The following ST6GALNAC5 variants were observed in gnomAD, a reference collection of about 807,000 sequenced individuals.
ST6GALNAC5 encodes the protein alpha-N-acetylgalactosaminide alpha-2,6-sialyltransferase 5.
In ST6GALNAC5, 27 loss-of-function variants were observed where a neutral mutation model predicts 33.6. The ratio of observed to expected loss-of-function variants is 0.80; its 90% CI spans 0.59 to 1.11. The LOEUF (loss-of-function observed/expected upper bound fraction) is 1.11. Ranked by LOEUF, ST6GALNAC5 falls within the 50% of genes least tolerant of loss-of-function variation. The probability of loss-of-function intolerance (pLI) is 0.00; values close to 1 mark genes in which losing one functional copy is unlikely to be tolerated. For missense variants in ST6GALNAC5, 428 were observed against 454.0 expected (o/e 0.94, Z 0.52); for synonymous variants, 194 against 171.2 (o/e 1.13, Z -1.04).
rs142191101 is a variant in ST6GALNAC5 at position 76,986,675 on chromosome 1, G to A, written c.262-57529G>A. On this transcript the variant is annotated intron_variant, in intron 2 of 4. Transcript: ENST00000477717. ...TCCCATTACTGGGTATATACCCAAA[G>A]GATTATAAATCATGCTACTATAAAG... Among the ~76,000 whole-genome samples the A allele has an allele frequency of 4.5e-3, 685 of 152,186 alleles. 7 individuals carry two copies. Among genetic ancestry groups the A allele is most frequent in the African/African-American group, 0.016 (645 of 41,526 alleles).
intron 2 of ST6GALNAC5, among the ~76,000 whole-genome samples, chr1:77,035,451 A>G (rs978644675): frequency 6.6e-6 from 1 of 152,226 alleles, no homozygotes; most frequent in Non-Finnish European, 1.5e-5. Flanking sequence ...CCTTAAGTAT[A>G]GAGAGGTACC....
At chr1:76,964,625 A>G (rs560215136) in intron 2 of ST6GALNAC5, among the ~76,000 whole-genome samples, 1 of 152,272 alleles carries the variant, frequency 6.6e-6, no homozygotes, top group South Asian at 2.1e-4. Flanking sequence ...TATAATTATT[A>G]TACTTTAAGT....
At chr1:76,972,731 T>G (rs991064218) in intron 2 of ST6GALNAC5, among the ~76,000 whole-genome samples, 2 of 152,148 alleles carry the variant, frequency 1.3e-5, no homozygotes, top group African/African-American at 4.8e-5. Context: ...TCTGTCATCT[T>G]GATAGATAAT....
chr1:76,921,639 G>T (rs576851552), intron 2 of ST6GALNAC5, among the ~76,000 whole-genome samples: 1 of 152,236 alleles, frequency 6.6e-6, no homozygotes, highest in African/African-American at 2.4e-5. Flanking sequence ...CCAAGCCTCA[G>T]CCAGAATAGT....
intron 2 of ST6GALNAC5, among the ~76,000 whole-genome samples, chr1:76,950,861 G>A (rs753277693): frequency 1.8e-4 from 27 of 152,060 alleles, no homozygotes; most frequent in Non-Finnish European, 2.8e-4. Context: ...TGACAAGTGC[G>A]CAGCCACAAC....
At chr1:76,985,790 T>A (rs1027898407) in intron 2 of ST6GALNAC5, among the ~76,000 whole-genome samples, 1 of 152,312 alleles carries the variant, frequency 6.6e-6, no homozygotes, top group Middle Eastern at 3.4e-3. Context: ...AACAGCATGA[T>A]ACTGGTACCA....
intron 2 of ST6GALNAC5, among the ~76,000 whole-genome samples, chr1:76,871,856 A>T (rs1265165845): frequency 6.6e-6 from 1 of 151,990 alleles, no homozygotes; most frequent in Non-Finnish European, 1.5e-5. Flanking sequence ...CTTTCCCCAG[A>T]CCAATTCCCA....
chr1:77,016,445 C>T (rs938294421), intron 2 of ST6GALNAC5, among the ~76,000 whole-genome samples: 10 of 151,836 alleles, frequency 6.6e-5, no homozygotes, highest in Admixed American at 4.6e-4. Context: ...ATTTTCCTTT[C>T]GGTCACTGTC....
intron 2 of ST6GALNAC5, among the ~76,000 whole-genome samples, chr1:76,962,474 AAC>A (rs542876575): frequency 3.5e-3 from 530 of 152,358 alleles, no homozygotes; most frequent in African/African-American, 0.012. Context: ...CTTTCATTTT[AAC>A]AGAGACCTAT....
chr1:77,012,361 C>T (rs931501585), intron 2 of ST6GALNAC5, among the ~76,000 whole-genome samples: 1 of 152,190 alleles, frequency 6.6e-6, no homozygotes, highest in African/African-American at 2.4e-5. Flanking sequence ...ATGGAATCCA[C>T]AGGAATTCCA....
At chr1:76,994,164 G>A (rs1001287865) in intron 2 of ST6GALNAC5, among the ~76,000 whole-genome samples, 1 of 152,200 alleles carries the variant, frequency 6.6e-6, no homozygotes, top group African/African-American at 2.4e-5. Context: ...TATAAAGCCA[G>A]TGATTTAGTA....
chr1:76,873,016 C>T (rs1287363214), intron 2 of ST6GALNAC5, among the ~76,000 whole-genome samples: 2 of 152,206 alleles, frequency 1.3e-5, no homozygotes, highest in Non-Finnish European at 2.9e-5. Flanking sequence ...ATTTTTCCAA[C>T]TTCCCACATG....
intron 2 of ST6GALNAC5, among the ~76,000 whole-genome samples, chr1:76,916,969 A>G (rs1646982476): frequency 6.6e-6 from 1 of 152,166 alleles, no homozygotes; most frequent in Non-Finnish European, 1.5e-5. Flanking sequence ...AACAGGACAA[A>G]TGAAAAGAAA....
intron 2 of ST6GALNAC5, among the ~76,000 whole-genome samples, chr1:77,031,254 T>A (rs1184158902): frequency 6.6e-6 from 1 of 152,242 alleles, no homozygotes; most frequent in Admixed American, 6.5e-5. Flanking sequence ...GCTGCCTAGC[T>A]GGTAGCTCAT....
chr1:77,036,212 G>T (rs1357499697), intron 2 of ST6GALNAC5, among the ~76,000 whole-genome samples: 1 of 152,128 alleles, frequency 6.6e-6, no homozygotes, highest in African/African-American at 2.4e-5. Flanking sequence ...GTCCAGAAAA[G>T]GCCAATCTTT....
At chr1:77,041,214 C>G (rs536155674) in intron 2 of ST6GALNAC5, among the ~76,000 whole-genome samples, 56 of 152,266 alleles carry the variant, frequency 3.7e-4, no homozygotes, top group African/African-American at 1.3e-3. Flanking sequence ...CCTGGTTGTT[C>G]TCTCACCTCT....
chr1:76,963,185 T>A (rs899054287), intron 2 of ST6GALNAC5, among the ~76,000 whole-genome samples: 1 of 152,164 alleles, frequency 6.6e-6, no homozygotes, highest in Non-Finnish European at 1.5e-5. Flanking sequence ...TAGCTAGAAG[T>A]TATTGAAATA....
chr1:76,951,584 T>C (rs1426779302), intron 2 of ST6GALNAC5, among the ~76,000 whole-genome samples: 2 of 152,070 alleles, frequency 1.3e-5, no homozygotes, highest in African/African-American at 4.8e-5. Context: ...TGTATACCTA[T>C]GTAACAAACC....
At chr1:76,904,834 G>A (rs531835708) in intron 2 of ST6GALNAC5, among the ~76,000 whole-genome samples, 2,606 of 151,400 alleles carry the variant, frequency 0.017, 78 homozygotes, top group African/African-American at 0.059. Flanking sequence ...AAAAAAAAAA[G>A]AAAAGAGTCA....
Sources: allele counts gnomAD v4.1 joint callset (sites outside exome capture counted in the v4.1 genomes callset), GRCh38; gene constraint gnomAD v4.1.1; transcripts MANE v1.5; gene names NCBI Gene and HGNC (gene_info 2026-07-23, HGNC 2026-07-21).